The following CDCA7L variants were observed in gnomAD, a reference collection of about 807,000 sequenced individuals.
The protein encoded by CDCA7L is cell division cycle-associated 7-like protein.
A neutral mutation model predicts 57.4 loss-of-function variants in CDCA7L; 44 were observed. The observed-to-expected ratio is 0.77, with a 90% CI of 0.60 to 0.98. The LOEUF (loss-of-function observed/expected upper bound fraction) is 0.98. Ranked by LOEUF, CDCA7L falls within the 50% of genes least tolerant of loss-of-function variation. The probability of loss-of-function intolerance (pLI) is 0.00; values close to 1 mark genes in which losing one functional copy is unlikely to be tolerated. For missense variants in CDCA7L, 644 were observed against 580.6 expected, an observed-to-expected ratio of 1.11 and a Z score of -1.12; for synonymous variants, 236 against 202.8, an observed-to-expected ratio of 1.16 and a Z score of -1.39.
intron 2 of CDCA7L, among the ~76,000 whole-genome samples, chr7:21,914,570 C>A (rs936607126): frequency 6.6e-6 from 1 of 151,362 alleles, no homozygotes; most frequent in African/African-American, 2.5e-5. Flanking sequence ...GACCAGTGGG[C>A]AGAAAGGGCA....
chr7:21,902,584 TA>T, intron 9 of CDCA7L: 2 of 576,766 alleles, frequency 3.5e-6, no homozygotes, highest in South Asian at 2.2e-5. Flanking sequence ...GTTTATTAAT[TA>T]CATAAATGAA....
intron 8 of CDCA7L, chr7:21,903,868 G>C: frequency 2.6e-6 from 1 of 388,546 alleles, no homozygotes. Flanking sequence ...AGGACTGTAA[G>C]CAAGTTTTGC....
In CDCA7L at chr7:21,911,399, G is replaced by A. The variant is rs569662897; in HGVS notation, c.303+218C>T. On this transcript the variant is annotated intron_variant, in intron 3 of 9. Coordinates refer to ENST00000406877, the MANE Select transcript of CDCA7L (RefSeq NM_018719.5). ...CATCCCCAAAAACCCCCTAAGGCAC[G>A]AGGAGAAGATGAATGGATTTTCTCT... Among the ~76,000 whole-genome samples, 7 of 152,222 alleles carry A rather than the reference G, an allele frequency of 4.6e-5. No individual in the cohort carries two copies. The South Asian group carries it at 1.5e-3, about 32-fold the overall frequency.
At chr7:21,937,387 C>A (rs1786202241) in intron 1 of CDCA7L, among the ~76,000 whole-genome samples, 1 of 152,262 alleles carries the variant, frequency 6.6e-6, no homozygotes, top group East Asian at 1.9e-4. Context: ...GAAATCCTAG[C>A]ACTTTGGGAG....
In CDCA7L at chr7:21,903,079, A is replaced by G; in HGVS notation, c.1233T>C (p.Asn411=). Reference sequence around the variant, plus strand: ...CGTCACGCTTCCGACAGTAGCTGCAATTGCAGATCCCACGACAGGGGGGAC... The same window carrying G: ...CGTCACGCTTCCGACAGTAGCTGCAGTTGCAGATCCCACGACAGGGGGGAC... ...WVCPPCRGIC[N]CSYCRKRDGR... The change falls in exon 9 of 10, where the codon AAT becomes AAC. Residue 411 remains asparagine (N), a synonymous_variant. Coordinates refer to ENST00000406877, the MANE Select transcript of CDCA7L (RefSeq NM_018719.5). The G allele has an allele frequency of 1.2e-6, 2 of 1,614,018 alleles. No homozygotes were observed. The highest frequency in any genetic ancestry group is 1.6e-4 in the Middle Eastern group (1 of 6,062).
chr7:21,901,256 G>GT lies in CDCA7L; in HGVS notation c.*1065dup. ...GTGGCTCTGCTTCTAGAAGCGTAAG[G>GT]TAACACTGGCATTCCTCTAGCCTCT... On this transcript the variant is annotated 3_prime_UTR_variant, in exon 10 of 10. Coordinates refer to ENST00000406877, the MANE Select transcript of CDCA7L (RefSeq NM_018719.5). The GT allele has an allele frequency of 6.2e-7, 1 of 1,608,146 alleles. No individual in the cohort carries two copies. Among genetic ancestry groups the GT allele is most frequent in the South Asian group, 1.1e-5 (1 of 90,240 alleles).
Position 21,902,401 on chromosome 7 carries a change from T to C in CDCA7L, c.1335-49A>G, listed in dbSNP as rs756980550. On this transcript the variant is annotated intron_variant, in intron 9 of 9. Transcript: ENST00000406877. Reference sequence around the variant, plus strand: ...TGGTAAAGTAGTACAAATACACAAATGGCATTCTAGGCTTGAGAGATTCCA... The same window carrying C: ...TGGTAAAGTAGTACAAATACACAAACGGCATTCTAGGCTTGAGAGATTCCA... 1.5e-5 allele frequency: 23 copies of C among 1,555,274 alleles called. No individual in the cohort carries two copies. In the East Asian group the frequency reaches 5.2e-4, roughly 35 times the overall value.
At position 21,916,909 on chromosome 7, in the gene CDCA7L, A is replaced by G. The variant is rs369624657; in HGVS notation, c.25-15T>C. The G allele has an allele frequency of 1.9e-6, 3 of 1,613,910 alleles. No homozygotes were observed. The highest frequency in any genetic ancestry group is 2.5e-6 in the Non-Finnish European group (3 of 1,179,866). On this transcript the variant is annotated splice_polypyrimidine_tract_variant and intron_variant, in intron 1 of 9. Coordinates refer to ENST00000406877, the MANE Select transcript of CDCA7L (RefSeq NM_018719.5). ...TCTTTAGGGATCTGTTTTGGATTCA[A>G]AAGAGGCAGGATTAAACCAGGGGTT...
At chr7:21,941,294 T>C (rs6461624) in intron 1 of CDCA7L, among the ~76,000 whole-genome samples, 149,860 of 152,312 alleles carry the variant, frequency 0.98, 73,740 homozygotes, top group East Asian at 1. Flanking sequence ...ACTGTAAAGA[T>C]CTCTACGCTA....
intron 1 of CDCA7L, among the ~76,000 whole-genome samples, chr7:21,936,645 T>C (rs1414631803): frequency 6.9e-6 from 1 of 145,822 alleles, no homozygotes; most frequent in Non-Finnish European, 1.5e-5. Context: ...AAAAAAAAAA[T>C]AGAAGGAAAC....
chr7:21,919,641 G>C (rs551455585), intron 1 of CDCA7L, among the ~76,000 whole-genome samples: 6 of 152,042 alleles, frequency 3.9e-5, no homozygotes, highest in Non-Finnish European at 8.8e-5. Flanking sequence ...CAACACGGAG[G>C]CTTCTTCCTC....
In CDCA7L at chr7:21,901,644, T is replaced by TTTTAATTTTTAACAAACAACAAATTAAA. The variant is rs1784867137; in HGVS notation, c.*650_*677dup. Reference sequence around the variant, plus strand: ...GCAATGCAGCCGGAAAGAACGGAGATTTTAATTTTTAACAAACAACAAATT... The same window carrying TTTTAATTTTTAACAAACAACAAATTAAA: ...GCAATGCAGCCGGAAAGAACGGAGATTTTAATTTTTAACAAACAACAAATTAAATTTAATTTTTAACAAACAACAAATT... On this transcript the variant is annotated 3_prime_UTR_variant, in exon 10 of 10. Coordinates refer to ENST00000406877, the MANE Select transcript of CDCA7L (RefSeq NM_018719.5). 1.3e-5 allele frequency: 2 copies of TTTTAATTTTTAACAAACAACAAATTAAA among 158,036 alleles called. No homozygotes were observed. The highest frequency in any genetic ancestry group is 2.4e-5 in the African/African-American group (1 of 41,452). The allele number at this position is 158,036 out of a possible 1,614,324, so 9.8% of individuals were successfully genotyped here. A position where few individuals can be genotyped will look rare whatever the true frequency, so the allele number is the denominator to read the frequency against.
chr7:21,938,129 G>C (rs1032501928), intron 1 of CDCA7L, among the ~76,000 whole-genome samples: 4 of 152,044 alleles, frequency 2.6e-5, no homozygotes, highest in African/African-American at 9.7e-5. Flanking sequence ...AACCTATATA[G>C]AATGAGAGAA....
At chr7:21,905,231 AT>A (rs11331068) in intron 7 of CDCA7L, among the ~76,000 whole-genome samples, 95,140 of 151,788 alleles carry the variant, frequency 0.63, 32,237 homozygotes, top group Non-Finnish European at 0.77. Context: ...TGCTTAAACC[AT>A]TAACAGTTAC....
At chr7:21,915,191 C>T (rs114259944) in intron 2 of CDCA7L, among the ~76,000 whole-genome samples, 242 of 151,724 alleles carry the variant, frequency 1.6e-3, no homozygotes, top group African/African-American at 5.5e-3. Flanking sequence ...AACTCCTGGA[C>T]GGGAGTCAAG....
At chr7:21,936,720 T>C (rs1482084998) in intron 1 of CDCA7L, among the ~76,000 whole-genome samples, 2 of 152,020 alleles carry the variant, frequency 1.3e-5, no homozygotes, top group South Asian at 4.1e-4. Context: ...CAATGATGAA[T>C]GGAAGATTGA....
chr7:21,926,938 C>A (rs1290430474), intron 1 of CDCA7L, among the ~76,000 whole-genome samples: 1 of 151,966 alleles, frequency 6.6e-6, no homozygotes, highest in Non-Finnish European at 1.5e-5. Flanking sequence ...TGGAAAAAAG[C>A]CACACACAGG....
rs996637361 is a variant in CDCA7L, at chr7:21,922,690, T to G, written c.25-5796A>C. Among the ~76,000 whole-genome samples, 6 of 152,176 alleles carry G rather than the reference T, an allele frequency of 3.9e-5. 1 individual carries two copies. Among genetic ancestry groups the G allele is most frequent in the African/African-American group, 1.4e-4 (6 of 41,452 alleles). On this transcript the variant is annotated intron_variant, in intron 1 of 9. Transcript: ENST00000406877. ...AGAGGGCATCAAAGTGTTAAGAAGATTAAGAAAAACTTTATATCCTTTCCC... is the reference window on the plus strand; with the variant it reads ...AGAGGGCATCAAAGTGTTAAGAAGAGTAAGAAAAACTTTATATCCTTTCCC...
chr7:21,932,368 A>G (rs761374308), intron 1 of CDCA7L, among the ~76,000 whole-genome samples: 1 of 152,214 alleles, frequency 6.6e-6, no homozygotes, highest in Non-Finnish European at 1.5e-5. Flanking sequence ...AAAAGAACAA[A>G]GCTAGAGGCA....
Sources: allele counts gnomAD v4.1 joint callset (sites outside exome capture counted in the v4.1 genomes callset), GRCh38; gene constraint gnomAD v4.1.1; transcripts MANE v1.5; gene names NCBI Gene and HGNC (gene_info 2026-07-23, HGNC 2026-07-21).